Variants in ZFYVE28 observed in about 807,000 individuals in gnomAD.
The protein encoded by ZFYVE28 is zinc finger FYVE-type containing 28.
A neutral mutation model predicts 82.1 loss-of-function variants in ZFYVE28; 40 were observed. The observed-to-expected ratio is 0.49, with a 90% CI of 0.38 to 0.63. ZFYVE28 has a LOEUF of 0.63. Ranked by LOEUF, ZFYVE28 falls within the 30% of genes least tolerant of loss-of-function variation. ZFYVE28 has a pLI of 0.00. For synonymous variants in ZFYVE28, 612 were observed against 546.1 expected (o/e 1.12, Z -1.68); for missense variants, 1,321 against 1,242.1 (o/e 1.06, Z -0.96).
chr4:2,321,527 A>C (rs1719071761), intron 6 of ZFYVE28, among the ~76,000 whole-genome samples: 1 of 152,092 alleles, frequency 6.6e-6, no homozygotes, highest in African/African-American at 2.4e-5. Context: ...GGGACAGCAC[A>C]ACCAGCCTTC....
chr4:2,369,839 T>TTTTATTTTATTTTACTTA (rs561534155), intron 1 of ZFYVE28, among the ~76,000 whole-genome samples: 1 of 139,606 alleles, frequency 7.2e-6, no homozygotes, highest in South Asian at 2.3e-4. Flanking sequence ...AGGGATTTTT[T>TTTTATTTTATTTTACTTA]TTTTTCTTTT....
chr4:2,364,991 T>A, intron 1 of ZFYVE28: 1 of 779,086 alleles, frequency 1.3e-6, no homozygotes, highest in Non-Finnish European at 1.6e-6. Flanking sequence ...CACGCGGGGG[T>A]CACTCCCTAG....
In ZFYVE28 at chr4:2,339,499, C is replaced by T. The variant is rs1722400419; in HGVS notation, c.475G>A (p.Glu159Lys). 6.2e-7 allele frequency: 1 copy of T among 1,613,908 alleles called. No individual in the cohort carries two copies. Among genetic ancestry groups the T allele is most frequent in the African/African-American group, 1.3e-5 (1 of 74,946 alleles). The change falls in exon 4 of 13, where the codon GAA (glutamate) becomes AAA (lysine). Residue 159 changes from glutamate (E) to lysine (K), a missense_variant. Around this residue, in one of 2 missense-constraint regions of ZFYVE28, gnomAD observed 343 missense variants for 408.4 expected, o/e 0.84. Transcript: ENST00000290974. This position sits in a 1 kb window ranked among gnomAD's most constrained non-coding sequence, Gnocchi z 5.0. The stretch of plus-strand genomic sequence containing the variant: ...AGGACGTCGAAGTGCCTCAGCGCTT[C>T]CCTCATCTTCTCTGTGTAGGTGTTC... Reference protein sequence around the residue: ...DLNTYTEKMREALRHFDVLFA... With the variant: ...DLNTYTEKMRKALRHFDVLFA...
chr4:2,388,667 G>C (rs532035613), intron 1 of ZFYVE28, among the ~76,000 whole-genome samples: 1 of 152,144 alleles, frequency 6.6e-6, no homozygotes, highest in South Asian at 2.1e-4. Flanking sequence ...GGTGGATGAC[G>C]GTGGTGCTGC....
intron 2 of ZFYVE28, among the ~76,000 whole-genome samples, chr4:2,346,328 C>T (rs977621285): frequency 7.9e-5 from 11 of 139,842 alleles, no homozygotes; most frequent in African/African-American, 2.5e-4. Context: ...GGTGACTGAG[C>T]GAGACTCCAT....
At chr4:2,280,019 T>A (rs1044201764) in intron 8 of ZFYVE28, among the ~76,000 whole-genome samples, 2 of 152,130 alleles carry the variant, frequency 1.3e-5, no homozygotes, top group African/African-American at 2.4e-5. Flanking sequence ...GAGCTGTACA[T>A]CTCACAAACA....
Position 2,372,745 on chromosome 4 carries a change from G to A in ZFYVE28, c.40-18672C>T, listed in dbSNP as rs1343319355. ...CTGATTGTGTCAGTTAAACTCCGAGGGTTGGGGCTCATGATGGCAGAGCCA... is the reference window on the plus strand; with the variant it reads ...CTGATTGTGTCAGTTAAACTCCGAGAGTTGGGGCTCATGATGGCAGAGCCA... On this transcript the variant is annotated intron_variant, in intron 1 of 12. Coordinates refer to ENST00000290974, the MANE Select transcript of ZFYVE28 (RefSeq NM_020972.3). This position sits in a 1 kb window ranked among gnomAD's most constrained non-coding sequence, Gnocchi z 5.2. 6.6e-6 allele frequency among the ~76,000 whole-genome samples: 1 copy of A among 152,124 alleles called. No homozygotes were observed. Among genetic ancestry groups the A allele is most frequent in the Non-Finnish European group, 1.5e-5 (1 of 67,998 alleles).
At chr4:2,392,172 G>T (rs1326353015) in intron 1 of ZFYVE28, among the ~76,000 whole-genome samples, 1 of 151,848 alleles carries the variant, frequency 6.6e-6, no homozygotes, top group Non-Finnish European at 1.5e-5. Context: ...AAAAAGGGTG[G>T]GGAGGCATAT....
Position 2,306,238 on chromosome 4 carries a change from C to T in ZFYVE28, c.804-702G>A, listed in dbSNP as rs149495651. 4.9e-3 allele frequency among the ~76,000 whole-genome samples: 740 copies of T among 152,320 alleles called. 8 individuals carry two copies. Among genetic ancestry groups the T allele is most frequent in the African/African-American group, 0.017 (694 of 41,568 alleles). ...GCTCCTGGAGCAGGCTCCTACAGGC[C>T]GACTGTGGGCTGCTCTCTGCTGCGA... On this transcript the variant is annotated intron_variant, in intron 7 of 12. Transcript: ENST00000290974.
intron 1 of ZFYVE28, among the ~76,000 whole-genome samples, chr4:2,402,972 C>T (rs9328767): frequency 0.13 from 20,114 of 152,276 alleles, 1,351 homozygotes; most frequent in African/African-American, 0.14. Context: ...CCCTCAGAAA[C>T]AGGATCCCCA....
intron 8 of ZFYVE28, among the ~76,000 whole-genome samples, chr4:2,293,157 G>A (rs4974647): frequency 6.6e-6 from 1 of 151,430 alleles, no homozygotes; most frequent in Admixed American, 6.6e-5. Flanking sequence ...TTTTTTATTT[G>A]AGAAGATGAA....
rs1250726676 is a variant in ZFYVE28 at position 2,372,724 on chromosome 4, TTG to T, written c.40-18653_40-18652del. On this transcript the variant is annotated intron_variant, in intron 1 of 12. Transcript: ENST00000290974. The surrounding 1 kb of genome is among the most constrained non-coding windows in gnomAD (Gnocchi z 5.2). ...GGCAGGCACTCCAGGGCTTCGCTGATTGTGTCAGTTAAACTCCGAGGGTTGGG... is the reference window on the plus strand; with the variant it reads ...GGCAGGCACTCCAGGGCTTCGCTGATTGTCAGTTAAACTCCGAGGGTTGGG... Among the ~76,000 whole-genome samples, 1 of 152,116 alleles carries T rather than the reference TTG, an allele frequency of 6.6e-6. No individual in the cohort carries two copies. The highest frequency in any genetic ancestry group is 1.5e-5 in the Non-Finnish European group (1 of 68,006).
At chr4:2,377,300 CG>C (rs201128322) in intron 1 of ZFYVE28, among the ~76,000 whole-genome samples, 35,639 of 151,948 alleles carry the variant, frequency 0.23, 4,513 homozygotes, top group African/African-American at 0.34. Flanking sequence ...GAATTACAGG[CG>C]TTGAGCCACT....
In ZFYVE28 at chr4:2,418,410, G is replaced by A. The variant is rs1578453806; in HGVS notation, c.-87C>T. On this transcript the variant is annotated 5_prime_UTR_variant, in exon 1 of 13. Coordinates refer to ENST00000290974, the MANE Select transcript of ZFYVE28 (RefSeq NM_020972.3). The surrounding 1 kb of genome is among the most constrained non-coding windows in gnomAD (Gnocchi z 4.6). ...CCCGGCTGAGGCGCGGGGCGGACGC[G>A]GAGGCACGGCCGGAGCCCCCGCGCT... is the stretch of plus-strand genomic sequence containing the variant. The A allele has an allele frequency of 1.9e-6, 2 of 1,071,042 alleles. No individual in the cohort carries two copies. Among genetic ancestry groups the A allele is most frequent in the Non-Finnish European group, 1.2e-6 (1 of 869,530 alleles). 66.3% of individuals were successfully genotyped at this position (1,071,042 alleles called of 1,614,324 possible).
At chr4:2,407,635 G>A (rs768960358) in intron 1 of ZFYVE28, among the ~76,000 whole-genome samples, 1 of 152,148 alleles carries the variant, frequency 6.6e-6, no homozygotes, top group Non-Finnish European at 1.5e-5. Flanking sequence ...CAATTGCACA[G>A]GCTGGAGTGT....
intron 1 of ZFYVE28, among the ~76,000 whole-genome samples, chr4:2,387,056 TCCGGGGCCGGGG>T (rs59609334): frequency 1.6e-3 from 247 of 152,038 alleles, no homozygotes; most frequent in African/African-American, 2.0e-3. Flanking sequence ...TGCAGGAGAC[TCCGGGGCCGGGG>T]CCGGGGCCGG....
intron 1 of ZFYVE28, among the ~76,000 whole-genome samples, chr4:2,361,919 A>T (rs953561389): frequency 6.6e-6 from 1 of 152,062 alleles, no homozygotes; most frequent in Non-Finnish European, 1.5e-5. Context: ...AGGTGGCGGG[A>T]CAGATGGGAG....
rs150198630 is a variant in ZFYVE28, at chr4:2,339,563, G to A, written c.411C>T (p.Asp137=). The A allele has an allele frequency of 3.8e-5, 62 of 1,613,046 alleles. 1 individual carries two copies. In the Middle Eastern group the frequency reaches 9.9e-4, roughly 26 times the overall value. Residue 137 remains aspartate (D), a synonymous_variant, in exon 4 of 13, where the codon GAC becomes GAT. Transcript: ENST00000290974. The surrounding 1 kb of genome is among the most constrained non-coding windows in gnomAD (Gnocchi z 5.0). ...CCTGGTCACGGAGGGCGCCCCGCAC[G>A]TCCTCCAGGCTGCGCGTCAGCTCCT... is the stretch of plus-strand genomic sequence containing the variant. ...LAKELTRSLE[D]VRGALRDQAL...
chr4:2,279,520 C>G (rs967213036), intron 8 of ZFYVE28, among the ~76,000 whole-genome samples: 3 of 152,162 alleles, frequency 2.0e-5, no homozygotes, highest in Non-Finnish European at 2.9e-5. Flanking sequence ...TGGCTCACAC[C>G]TGTAATCCCA....
Sources: gnomAD v4.1 joint callset for allele counts (sites outside exome capture counted in the v4.1 genomes callset) on GRCh38, gnomAD v4.1.1 for gene constraint, gnomAD v4.1.1 regional missense constraint, Gnocchi (gnomAD v3.1) non-coding constraint, MANE v1.5 for transcripts, NCBI Gene and HGNC (gene_info 2026-07-23, HGNC 2026-07-21) for gene names.